FAM186B: variants seen among roughly 807,000 people sequenced by gnomAD.
The protein encoded by FAM186B is family with sequence similarity 186 member B, also known as protein FAM186B.
A neutral mutation model predicts 83.4 loss-of-function variants in FAM186B; 68 were observed. The observed-to-expected ratio is 0.81, with a 90% CI of 0.67 to 1.00. FAM186B has a LOEUF of 1.00. Among genes scored for constraint, FAM186B ranks in the 50% least tolerant of loss-of-function variants. FAM186B has a pLI of 0.00. For synonymous variants in FAM186B, 389 were observed against 422.0 expected, an observed-to-expected ratio of 0.92 and a Z score of 0.96; for missense variants, 983 against 1,099.2, an observed-to-expected ratio of 0.89 and a Z score of 1.49.
chr12:49,598,675 G>T, intron 5 of FAM186B, 80 bp downstream of exon 5: 2 of 1,316,518 alleles, frequency 1.5e-6, no homozygotes, highest in Non-Finnish European at 1.0e-6. Context: ...ATCCCCACGG[G>T]TTCATTTCAG....
chr12:49,622,496 T>C, the FAM186B span: 3 of 152,192 alleles, frequency 2.0e-5, no homozygotes, highest in Non-Finnish European at 2.9e-5. Flanking sequence ...GACAGATCAA[T>C]ACGCTGCCTC....
the FAM186B span, among the ~76,000 whole-genome samples, chr12:49,617,520 G>T: frequency 6.6e-6 from 1 of 152,044 alleles, no homozygotes; most frequent in African/African-American, 2.4e-5. Flanking sequence ...CTCTAGCCTG[G>T]GTGTCAGAAT....
At chr12:49,587,461 T>C, downstream of FAM186B, 1 of 1,174,806 alleles carries the variant, frequency 8.5e-7, no homozygotes, top group Non-Finnish European at 1.2e-6. Context: ...AGGAACCAGG[T>C]TAGCCTCTCT....
intron 3 of FAM186B, 60 bp downstream of exon 3, chr12:49,603,125 C>G (rs1415477110): frequency 6.3e-7 from 1 of 1,585,838 alleles, no homozygotes; most frequent in African/African-American, 1.3e-5. Flanking sequence ...TCTGACTTCC[C>G]CTGCCATGGC....
intron 3 of FAM186B, 152 bp from the exon 4 acceptor site, chr12:49,601,286 C>T: frequency 3.6e-6 from 4 of 1,111,376 alleles, no homozygotes; most frequent in Non-Finnish European, 4.9e-6. Flanking sequence ...AGGGACAGTG[C>T]TGTCAGGACA....
At chr12:49,584,468 G>T, downstream of FAM186B, 1 of 701,854 alleles carries the variant, frequency 1.4e-6, no homozygotes, top group East Asian at 2.7e-5. Context: ...GAGAATCACT[G>T]GCTGAGGGAT....
At position 49,605,299 on chromosome 12, in the gene FAM186B, G is replaced by A. The variant is rs772864356; in HGVS notation, c.96+83C>T. 2.6e-6 allele frequency: 4 copies of A among 1,554,714 alleles called. No individual in the cohort carries two copies. In the African/African-American group the frequency reaches 5.4e-5, roughly 21 times the overall value. Reference sequence around the variant, plus strand: ...CAGGGCCTCTGAGGACCCAGAGCTGGAATCTCACTCAAACCTGGGATCAGC... The same window carrying A: ...CAGGGCCTCTGAGGACCCAGAGCTGAAATCTCACTCAAACCTGGGATCAGC... On this transcript the variant is annotated intron_variant, in intron 1 of 6. Coordinates refer to ENST00000257894, the MANE Select transcript of FAM186B (RefSeq NM_032130.3).
At chr12:49,598,976 G>T (rs750998380) in intron 4 of FAM186B, 29 bp from the exon 5 acceptor site, 7 of 1,607,880 alleles carry the variant, frequency 4.4e-6, no homozygotes, top group Non-Finnish European at 6.0e-6. Flanking sequence ...CAATTTAGGG[G>T]GTGGAGAGGC....
the FAM186B span, among the ~76,000 whole-genome samples, chr12:49,613,604 C>A: frequency 2.0e-4 from 30 of 151,808 alleles, no homozygotes; most frequent in African/African-American, 7.0e-4. Context: ...CTTTGGGAGG[C>A]TGAGGTGGGC....
chr12:49,619,181 T>TTTA, the FAM186B span, among the ~76,000 whole-genome samples: 102 of 152,348 alleles, frequency 6.7e-4, no homozygotes, highest in African/African-American at 2.3e-3. Flanking sequence ...AATAATTTAC[T>TTTA]GCTCCCTTTC....
chr12:49,598,687 C>T, intron 5 of FAM186B, 68 bp downstream of exon 5: 1 of 1,437,552 alleles, frequency 7.0e-7, no homozygotes, highest in Non-Finnish European at 9.4e-7. Context: ...TCATTTCAGG[C>T]CCCAAGCCGA....
chr12:49,601,406 C>G (rs980813501), intron 3 of FAM186B, among the ~76,000 whole-genome samples: 1 of 152,198 alleles, frequency 6.6e-6, no homozygotes, highest in Non-Finnish European at 1.5e-5. Context: ...GCACAGCTCA[C>G]TGCAGCATCC....
rs1939788030 is a variant in FAM186B at position 49,598,763 on chromosome 12, A to T, written c.2356T>A (p.Phe786Ile). Residue 786 changes from phenylalanine (F) to isoleucine (I), a missense_variant, in exon 5 of 7, where the codon TTC (phenylalanine) becomes ATC (isoleucine). Phe to Ile is a conservative substitution (Grantham distance 21). Transcript: ENST00000257894. ...CAGGGCGGGAGGCCCACCTTGGGGAACATGGTCACCATGCTGCTCAGGCAC... is the reference window on the plus strand; with the variant it reads ...CAGGGCGGGAGGCCCACCTTGGGGATCATGGTCACCATGCTGCTCAGGCAC... ...RECLSSMVTM[F>I]PKLQLEWNVH... The T allele has an allele frequency of 6.2e-7, 1 of 1,606,780 alleles. No individual in the cohort carries two copies. Among genetic ancestry groups the T allele is most frequent in the Admixed American group, 1.7e-5 (1 of 59,546 alleles).
At chr12:49,620,419 C>T in the FAM186B span, among the ~76,000 whole-genome samples, 1 of 151,930 alleles carries the variant, frequency 6.6e-6, no homozygotes, top group Non-Finnish European at 1.5e-5. Context: ...CCTGTAATCT[C>T]AGCACTTTGA....
intron 1 of FAM186B, chr12:49,605,181 G>A (rs538523692): frequency 2.6e-5 from 37 of 1,398,054 alleles, no homozygotes; most frequent in East Asian, 1.4e-4. Context: ...TGCCTCAGGC[G>A]GGTGGTTGCT....
Position 49,600,085 on chromosome 12 carries a change from G to A in FAM186B, c.1555C>T (p.Arg519Trp), listed in dbSNP as rs747829471. Reference protein sequence around the residue: ...LLEQEHQEKLRQWNLEDLARE... With the variant: ...LLEQEHQEKLWQWNLEDLARE... ...GCCAGGTCTTCCAGATTCCACTGCC[G>A]CAGCTTCTCCTGATGCTCCTGCTCC... The change falls in exon 4 of 7, where the codon CGG becomes TGG. Residue 519 changes from arginine (R) to tryptophan (W), a missense_variant. Transcript: ENST00000257894. The surrounding 1 kb of genome is among the most constrained non-coding windows in gnomAD (Gnocchi z 4.3). 3 of 1,608,814 alleles carry A rather than the reference G, an allele frequency of 1.9e-6. No individual in the cohort carries two copies. The highest frequency in any genetic ancestry group is 1.7e-6 in the Non-Finnish European group (2 of 1,177,378).
At chr12:49,612,790 A>T in the FAM186B span, among the ~76,000 whole-genome samples, 1 of 152,210 alleles carries the variant, frequency 6.6e-6, no homozygotes, top group Admixed American at 6.5e-5. Flanking sequence ...ATATTGGGAG[A>T]CTTTAACACC....
chr12:49,602,386 G>C (rs530862746), intron 3 of FAM186B, among the ~76,000 whole-genome samples: 4 of 152,188 alleles, frequency 2.6e-5, no homozygotes, highest in African/African-American at 9.7e-5. Context: ...GGCTGGCCAT[G>C]AGGAACAATG....
chr12:49,593,493 GTGTGGTGGCAGGCAT>G (rs1428711081), intron 5 of FAM186B, among the ~76,000 whole-genome samples: 1 of 151,494 alleles, frequency 6.6e-6, no homozygotes, highest in Non-Finnish European at 1.5e-5. Context: ...AATTAGCCAG[GTGTGGTGGCAGGCAT>G]TTGTAATCCC....
Sources: allele counts gnomAD v4.1 joint callset (sites outside exome capture counted in the v4.1 genomes callset), GRCh38; gene constraint gnomAD v4.1.1; non-coding constraint Gnocchi (gnomAD v3.1); transcripts MANE v1.5; gene names NCBI Gene and HGNC (gene_info 2026-07-23, HGNC 2026-07-21).